FILIP1: variants seen among roughly 807,000 people sequenced by gnomAD.
FILIP1 encodes filamin-A-interacting protein 1.
Under a neutral mutation model 102.1 loss-of-function variants are expected in FILIP1, and 61 were observed. The observed-to-expected ratio is 0.60, with a 90% CI of 0.49 to 0.74. FILIP1 has a LOEUF of 0.74. FILIP1 is among the 30% of genes least tolerant of loss of function. The probability of loss-of-function intolerance (pLI) is 0.00; values close to 1 mark genes in which losing one functional copy is unlikely to be tolerated. For missense variants in FILIP1, 1,314 were observed against 1,441.2 expected, an observed-to-expected ratio of 0.91 and a Z score of 1.43; for synonymous variants, 491 against 526.9, an observed-to-expected ratio of 0.93 and a Z score of 0.93.
Position 75,410,520 on chromosome 6 carries a change from G to A in FILIP1, c.276+4177C>T, listed in dbSNP as rs540869024. ...CCCATCAACCCTTCATCTACATTAG[G>A]TATTTCTCCTAATGCTATCCATTCC... On this transcript the variant is annotated intron_variant, in intron 2 of 5. Transcript: ENST00000237172. Among the ~76,000 whole-genome samples the A allele has an allele frequency of 5.3e-4, 80 of 152,020 alleles. 2 individuals are homozygous for A. The Middle Eastern group carries it at 0.017, about 32-fold the overall frequency.
chr6:75,393,587 A>G (rs1021759330), intron 2 of FILIP1, among the ~76,000 whole-genome samples: 2 of 152,228 alleles, frequency 1.3e-5, no homozygotes, highest in Non-Finnish European at 2.9e-5. Context: ...GAATAGTTGG[A>G]TAAATCTTTG....
At chr6:75,481,707 T>G (rs2149779115) in intron 1 of FILIP1, among the ~76,000 whole-genome samples, 1 of 152,248 alleles carries the variant, frequency 6.6e-6, no homozygotes, top group South Asian at 2.1e-4. Flanking sequence ...ATCCAACCCC[T>G]CTTTTAGCTA....
chr6:75,487,198 C>T (rs1779811990), intron 1 of FILIP1, among the ~76,000 whole-genome samples: 2 of 152,130 alleles, frequency 1.3e-5, no homozygotes, highest in South Asian at 4.1e-4. Context: ...GCTTTGAATA[C>T]CTCCAGTGTC....
chr6:75,322,688 C>T (rs1026749602), intron 4 of FILIP1, among the ~76,000 whole-genome samples: 1 of 152,108 alleles, frequency 6.6e-6, no homozygotes, highest in African/African-American at 2.4e-5. Context: ...TTATTTCATA[C>T]TGAATAAAAT....
intron 4 of FILIP1, among the ~76,000 whole-genome samples, chr6:75,327,156 C>T (rs1478872153): frequency 6.6e-6 from 1 of 152,206 alleles, no homozygotes. Context: ...GTCACCTACA[C>T]CCGCTTCTTC....
intron 1 of FILIP1, among the ~76,000 whole-genome samples, chr6:75,475,176 T>G (rs1179345720): frequency 6.6e-6 from 1 of 152,206 alleles, no homozygotes; most frequent in Non-Finnish European, 1.5e-5. Context: ...GTGAGTATAA[T>G]TAAAATTTTT....
chr6:75,314,877 C>T lies in FILIP1; in HGVS notation c.955G>A (p.Ala319Thr). 12 of 1,614,032 alleles carry T rather than the reference C, an allele frequency of 7.4e-6. No homozygotes were observed. Among genetic ancestry groups the T allele is most frequent in the East Asian group, 4.5e-5 (2 of 44,878 alleles). The change falls in exon 5 of 6, where the codon GCT becomes ACT. Residue 319 changes from alanine to threonine, a missense_variant. Ala to Thr is a moderately conservative substitution (Grantham distance 58). Coordinates refer to ENST00000237172, the MANE Select transcript of FILIP1 (RefSeq NM_015687.5). ...TGAGACTCTTGATTAGCCAGTTTAGCGTTCATCTCTTCATGCTCTTGAGAA... is the reference window on the plus strand; with the variant it reads ...TGAGACTCTTGATTAGCCAGTTTAGTGTTCATCTCTTCATGCTCTTGAGAA... ...RFSQEHEEMN[A>T]KLANQESHNR...
intron 6 of FILIP1, among the ~76,000 whole-genome samples, chr6:75,300,546 T>G (rs1772811408): frequency 6.6e-6 from 1 of 152,226 alleles, no homozygotes; most frequent in Non-Finnish European, 1.5e-5. Context: ...ACTTTCAAGT[T>G]TCTCATTTTC....
In FILIP1 at chr6:75,331,672, A is replaced by C. The variant is rs1774088717; in HGVS notation, c.630-16470T>G. Among the ~76,000 whole-genome samples the C allele has an allele frequency of 2.6e-5, 4 of 152,106 alleles. No homozygotes were observed. The South Asian group carries it at 6.2e-4, about 24-fold the overall frequency. ...ATAACCCATGTGGCATATTTGTCAG[A>C]ACTGGAAAGATCTCCTTCCTTTCTA... is the stretch of plus-strand genomic sequence containing the variant. On this transcript the variant is annotated intron_variant, in intron 4 of 5. Coordinates refer to ENST00000237172, the MANE Select transcript of FILIP1 (RefSeq NM_015687.5).
chr6:75,466,411 T>C (rs982642641), intron 1 of FILIP1, among the ~76,000 whole-genome samples: 6 of 152,242 alleles, frequency 3.9e-5, no homozygotes, highest in South Asian at 4.1e-4. Context: ...AGTTAATGAA[T>C]GGATAAATGA....
chr6:75,351,119 T>G (rs867512358), intron 4 of FILIP1, among the ~76,000 whole-genome samples: 7 of 151,834 alleles, frequency 4.6e-5, no homozygotes, highest in Non-Finnish European at 1.0e-4. Flanking sequence ...CAGGCTGGAG[T>G]GCAATGACGC....
intron 1 of FILIP1, among the ~76,000 whole-genome samples, chr6:75,431,865 C>G (rs146118564): frequency 1.3e-5 from 2 of 152,268 alleles, no homozygotes; most frequent in East Asian, 1.9e-4. Context: ...ATCAAAACCT[C>G]AAAAGATAAG....
At chr6:75,305,671 C>A (rs1249860903), downstream of FILIP1, among the ~76,000 whole-genome samples, 1 of 152,234 alleles carries the variant, frequency 6.6e-6, no homozygotes, top group Non-Finnish European at 1.5e-5. Context: ...TGCATGTAAG[C>A]TGGACACCAC....
Position 75,308,525 on chromosome 6 carries a change from A to C in FILIP1, c.*166T>G. ...TGCTAATTTTGTTCCCCAGCATCAA[A>C]ACAAATGCACAAAATGGGAAAGACA... On this transcript the variant is annotated 3_prime_UTR_variant, in exon 6 of 6. Transcript: ENST00000237172. The C allele has an allele frequency of 6.9e-7, 1 of 1,443,550 alleles. No individual in the cohort carries two copies. The highest frequency in any genetic ancestry group is 9.1e-7 in the Non-Finnish European group (1 of 1,101,974). 89.4% of individuals were successfully genotyped at this position (1,443,550 alleles called of 1,614,324 possible).
chr6:75,298,377 C>T (rs1318839718), intron 6 of FILIP1, among the ~76,000 whole-genome samples: 1 of 152,110 alleles, frequency 6.6e-6, no homozygotes. Flanking sequence ...TACTTATGTA[C>T]ATAAACTTTA....
At position 75,449,567 on chromosome 6, in the gene FILIP1, G is replaced by A. The variant is rs558489965; in HGVS notation, c.-6-34589C>T. Among the ~76,000 whole-genome samples the A allele has an allele frequency of 8.5e-5, 13 of 152,208 alleles. No individual in the cohort carries two copies. The East Asian group carries it at 2.1e-3, about 25-fold the overall frequency. ...GGGTTGAGGCAGGAGGATCCCTTGA[G>A]CCCAGGAGTTCAAGACCAGCCTGGG... is the stretch of plus-strand genomic sequence containing the variant. On this transcript the variant is annotated intron_variant, in intron 1 of 5. Transcript: ENST00000237172.
chr6:75,447,448 G>T (rs1282199967), intron 1 of FILIP1, among the ~76,000 whole-genome samples: 1 of 152,126 alleles, frequency 6.6e-6, no homozygotes, highest in Non-Finnish European at 1.5e-5. Flanking sequence ...AAGAAAATGT[G>T]CAGGGAGCCC....
Position 75,314,140 on chromosome 6 carries a change from T to A in FILIP1, c.1692A>T (p.Lys564Asn), listed in dbSNP as rs891576174. The A allele has an allele frequency of 1.2e-5, 18 of 1,524,318 alleles. No individual in the cohort carries two copies. Among genetic ancestry groups the A allele is most frequent in the Non-Finnish European group, 1.5e-5 (17 of 1,146,964 alleles). 94.4% of individuals were successfully genotyped at this position (1,524,318 alleles called of 1,614,324 possible). ...LLKLKSEMEEKVYNLTRERDE... is the reference protein window; with the variant it reads ...LLKLKSEMEENVYNLTRERDE... The stretch of plus-strand genomic sequence containing the variant: ...CTCTTTCTCTTGTCAAGTTGTATAC[T>A]TTTTCCTCCATTTCAGATTTTAGTT... Residue 564 changes from lysine (K) to asparagine (N), a missense_variant, in exon 5 of 6, where the codon AAA becomes AAT. By Grantham distance (94) the Lys-to-Asn change is moderately conservative (BLOSUM62 0). Transcript: ENST00000237172.
rs968719325 is a variant in FILIP1, at chr6:75,320,552, G to A, written c.630-5350C>T. On this transcript the variant is annotated intron_variant, in intron 4 of 5. Transcript: ENST00000237172. The stretch of plus-strand genomic sequence containing the variant: ...AGATCACATCACTGCACTCCATCCC[G>A]GGCAAAAGAACAAGACCCTATCTCA... Among the ~76,000 whole-genome samples, 7 of 151,996 alleles carry A rather than the reference G, an allele frequency of 4.6e-5. No homozygotes were observed. The East Asian group carries it at 5.8e-4, about 13-fold the overall frequency.
Sources: allele counts gnomAD v4.1 joint callset (sites outside exome capture counted in the v4.1 genomes callset), GRCh38; gene constraint gnomAD v4.1.1; transcripts MANE v1.5; gene names NCBI Gene and HGNC (gene_info 2026-07-23, HGNC 2026-07-21).